MLLT3: variants seen among roughly 807,000 people sequenced by gnomAD.
The protein encoded by MLLT3 is protein AF-9.
Under a neutral mutation model 53.2 loss-of-function variants are expected in MLLT3, and 4 were observed. The ratio of observed to expected loss-of-function variants is 0.08; its 90% CI spans 0.04 to 0.17. The LOEUF is 0.17. Ranked by LOEUF, MLLT3 falls within the 10% of genes least tolerant of loss-of-function variation. The probability of loss-of-function intolerance (pLI) is 1.00; values close to 1 mark genes in which losing one functional copy is unlikely to be tolerated. For synonymous variants in MLLT3, 283 were observed against 230.6 expected, an observed-to-expected ratio of 1.23 and a Z score of -2.06; for missense variants, 569 against 684.0, an observed-to-expected ratio of 0.83 and a Z score of 1.87.
chr9:20,410,937 T>C (rs915859574), intron 5 of MLLT3, among the ~76,000 whole-genome samples: 23 of 152,338 alleles, frequency 1.5e-4, no homozygotes, highest in Admixed American at 1.4e-3. Flanking sequence ...GTCCATGATC[T>C]CTGCCCATTA....
intron 5 of MLLT3, among the ~76,000 whole-genome samples, chr9:20,381,031 T>C (rs1407701169): frequency 1.3e-5 from 2 of 151,898 alleles, no homozygotes; most frequent in Admixed American, 6.6e-5. Context: ...CACTTATTGC[T>C]CTAAAATATA....
chr9:20,562,270 T>C (rs762195262), intron 2 of MLLT3, among the ~76,000 whole-genome samples: 1 of 151,974 alleles, frequency 6.6e-6, no homozygotes, highest in Non-Finnish European at 1.5e-5. Flanking sequence ...AGCAAAAATA[T>C]ACCATGACAG....
At chr9:20,589,250 C>T (rs1460038564) in intron 2 of MLLT3, among the ~76,000 whole-genome samples, 3 of 151,874 alleles carry the variant, frequency 2.0e-5, no homozygotes, top group Non-Finnish European at 4.4e-5. Context: ...GAATACTATG[C>T]AGCCATAAAA....
intron 2 of MLLT3, among the ~76,000 whole-genome samples, chr9:20,482,196 C>A (rs971722636): frequency 2.0e-5 from 3 of 152,306 alleles, no homozygotes; most frequent in South Asian, 2.1e-4. Context: ...CTGCATTAGA[C>A]CCAAACAAAC....
chr9:20,577,376 T>A (rs1201747393), intron 2 of MLLT3, among the ~76,000 whole-genome samples: 2 of 151,950 alleles, frequency 1.3e-5, no homozygotes, highest in African/African-American at 4.8e-5. Context: ...GATCCAGGAG[T>A]ATAACCATTT....
intron 2 of MLLT3, among the ~76,000 whole-genome samples, chr9:20,580,627 C>A (rs1819767055): frequency 6.6e-6 from 1 of 152,140 alleles, no homozygotes. Flanking sequence ...CAAAAAGTGA[C>A]TAGGGATGGA....
intron 2 of MLLT3, among the ~76,000 whole-genome samples, chr9:20,566,231 G>T (rs1220472539): frequency 6.6e-6 from 1 of 151,084 alleles, no homozygotes; most frequent in Non-Finnish European, 1.5e-5. Flanking sequence ...TTGAGGTCAG[G>T]AGTTTGAGAC....
chr9:20,484,206 A>G (rs964847182), intron 2 of MLLT3, among the ~76,000 whole-genome samples: 1 of 152,214 alleles, frequency 6.6e-6, no homozygotes, highest in African/African-American at 2.4e-5. Context: ...CAAGCCGGTA[A>G]TGGAGAGAAA....
At chr9:20,380,582 T>C (rs1447189367) in intron 5 of MLLT3, among the ~76,000 whole-genome samples, 1 of 152,006 alleles carries the variant, frequency 6.6e-6, no homozygotes, top group East Asian at 1.9e-4. Flanking sequence ...TATGGATGCT[T>C]TTAAAACTTC....
chr9:20,393,135 A>C (rs930940200), intron 5 of MLLT3, among the ~76,000 whole-genome samples: 1 of 152,156 alleles, frequency 6.6e-6, no homozygotes, highest in African/African-American at 2.4e-5. Context: ...AGCCTGGGCA[A>C]CAAGAGCAAA....
At chr9:20,413,228 C>A (rs1822777369) in intron 5 of MLLT3, among the ~76,000 whole-genome samples, 1 of 152,136 alleles carries the variant, frequency 6.6e-6, no homozygotes, top group African/African-American at 2.4e-5. Context: ...CATTTTGCCT[C>A]AATAAAACTG....
At chr9:20,372,258 G>A (rs985499317) in intron 5 of MLLT3, among the ~76,000 whole-genome samples, 14 of 152,152 alleles carry the variant, frequency 9.2e-5, no homozygotes, top group African/African-American at 2.4e-4. Context: ...AAATTTAGTC[G>A]ATAAAGCAGT....
chr9:20,554,754 C>T (rs1371385030), intron 2 of MLLT3, among the ~76,000 whole-genome samples: 1 of 152,182 alleles, frequency 6.6e-6, no homozygotes, highest in Non-Finnish European at 1.5e-5. Flanking sequence ...ATACTTAGTA[C>T]AAGGCATCTT....
At chr9:20,598,062 T>C (rs1820322561) in intron 2 of MLLT3, among the ~76,000 whole-genome samples, 1 of 152,186 alleles carries the variant, frequency 6.6e-6, no homozygotes, top group Non-Finnish European at 1.5e-5. Context: ...CAAAGTCTAA[T>C]CTTAGCCCAG....
At chr9:20,380,686 C>T (rs934209876) in intron 5 of MLLT3, among the ~76,000 whole-genome samples, 3 of 151,892 alleles carry the variant, frequency 2.0e-5, no homozygotes, top group Non-Finnish European at 2.9e-5. Context: ...CACCATAGAC[C>T]GAAAAGCAAG....
rs191610563 is a variant in MLLT3 at position 20,413,283 on chromosome 9, T to G, written c.1125+438A>C. Among the ~76,000 whole-genome samples, 197 of 152,332 alleles carry G rather than the reference T, an allele frequency of 1.3e-3. 1 individual carries two copies. The highest frequency in any genetic ancestry group is 4.6e-3 in the African/African-American group (193 of 41,578). On this transcript the variant is annotated intron_variant, in intron 5 of 10. Coordinates refer to ENST00000380338, the MANE Select transcript of MLLT3 (RefSeq NM_004529.4). The stretch of plus-strand genomic sequence containing the variant: ...CAGCCTTCTATCAACATAAACATGT[T>G]ACTTCATTCCAATGATCAAAACATC...
chr9:20,414,300 ACTG>A lies in MLLT3; in HGVS notation c.543_545del (p.Ser190del), dbSNP rs1563956655. 1 of 1,595,888 alleles carries A rather than the reference ACTG, an allele frequency of 6.3e-7. No homozygotes were observed. The highest frequency in any genetic ancestry group is 8.6e-7 in the Non-Finnish European group (1 of 1,167,302). Reference sequence around the variant, plus strand: ...TACTACTGCTGCTGCTGCTGCTGCTACTGCTGCTGCTACTGCTGCTGCTGCTGC... The same window carrying A: ...TACTACTGCTGCTGCTGCTGCTGCTACTGCTGCTACTGCTGCTGCTGCTGC... On this transcript the variant is annotated inframe_deletion, in exon 5 of 11. Coordinates refer to ENST00000380338, the MANE Select transcript of MLLT3 (RefSeq NM_004529.4).
chr9:20,576,826 C>A (rs576124561), intron 2 of MLLT3, among the ~76,000 whole-genome samples: 215 of 152,212 alleles, frequency 1.4e-3, no homozygotes, highest in Middle Eastern at 3.4e-3. Context: ...AGGGTTGTGG[C>A]ACAAACTTTC....
intron 5 of MLLT3, among the ~76,000 whole-genome samples, chr9:20,399,197 C>T (rs1036691841): frequency 5.9e-5 from 9 of 152,098 alleles, no homozygotes; most frequent in African/African-American, 2.2e-4. Context: ...GTCTAGTCCA[C>T]CTCCATAAAG....
Sources: allele counts gnomAD v4.1 joint callset (sites outside exome capture counted in the v4.1 genomes callset), GRCh38; gene constraint gnomAD v4.1.1; transcripts MANE v1.5; gene names NCBI Gene and HGNC (gene_info 2026-07-23, HGNC 2026-07-21).